The following CNTNAP2 variants were observed in gnomAD, a reference collection of about 807,000 sequenced individuals.
CNTNAP2 encodes contactin associated protein 2.
Under a neutral mutation model 155.2 loss-of-function variants are expected in CNTNAP2, and 98 were observed. The ratio of observed to expected loss-of-function variants is 0.63; its 90% CI spans 0.54 to 0.75. The LOEUF is 0.75. CNTNAP2 is among the 30% of genes least tolerant of loss of function. The pLI, the probability that CNTNAP2 is intolerant of heterozygous loss-of-function variation, is 0.00. For missense variants in CNTNAP2, 1,727 were observed against 1,688.1 expected, an observed-to-expected ratio of 1.02 and a Z score of -0.40; for synonymous variants, 651 against 631.2, an observed-to-expected ratio of 1.03 and a Z score of -0.47.
intron 15 of CNTNAP2, 82 bp from the exon 16 acceptor site, chr7:148,118,035 TA>T: frequency 2.1e-6 from 3 of 1,421,152 alleles, no homozygotes; most frequent in Non-Finnish European, 3.0e-6. Context: ...TGGTACTTAT[TA>T]AACTCAAGCA....
chr7:146,766,911 G>A (rs1802204846), intron 1 of CNTNAP2, among the ~76,000 whole-genome samples: 1 of 151,858 alleles, frequency 6.6e-6, no homozygotes, highest in African/African-American at 2.4e-5. Context: ...GAGTAAATTA[G>A]GTCACCTCCA....
At chr7:147,083,539 T>TATATATATATGTATATATATATAC (rs1800186367) in intron 4 of CNTNAP2, among the ~76,000 whole-genome samples, 2 of 30,394 alleles carry the variant, frequency 6.6e-5, no homozygotes, top group East Asian at 3.2e-3. Flanking sequence ...TATATATACA[T>TATATATATATGTATATATATATAC]ATATATATAT....
chr7:148,269,427 T>C (rs1477748787), intron 21 of CNTNAP2, among the ~76,000 whole-genome samples: 8 of 152,230 alleles, frequency 5.3e-5, no homozygotes, highest in African/African-American at 1.2e-4. Flanking sequence ...ATCACCACTT[T>C]TATGTTCTGT....
chr7:146,351,063 A>G (rs1165629701), intron 1 of CNTNAP2, among the ~76,000 whole-genome samples: 1 of 151,172 alleles, frequency 6.6e-6, no homozygotes, highest in Non-Finnish European at 1.5e-5. Context: ...TAGCATTAGG[A>G]GATACACCTA....
In CNTNAP2 at chr7:147,049,150, G is replaced by A. The variant is rs188918483; in HGVS notation, c.550+5096G>A. 8.5e-5 allele frequency among the ~76,000 whole-genome samples: 13 copies of A among 152,226 alleles called. 1 individual carries two copies. In the Middle Eastern group the frequency reaches 0.02, roughly 239 times the overall value. ...CTCGTGACCTACTCATGTCTTAAAA[G>A]TCCCACCTCTCAACACTGTTGCATT... On this transcript the variant is annotated intron_variant, in intron 4 of 23. Transcript: ENST00000361727.
chr7:146,710,126 G>T (rs1345969082), intron 1 of CNTNAP2, among the ~76,000 whole-genome samples: 1 of 152,150 alleles, frequency 6.6e-6, no homozygotes, highest in African/African-American at 2.4e-5. Context: ...GCTCACAATT[G>T]GAAAGCAGTG....
At chr7:146,580,818 A>T (rs891560183) in intron 1 of CNTNAP2, among the ~76,000 whole-genome samples, 1 of 152,104 alleles carries the variant, frequency 6.6e-6, no homozygotes, top group Non-Finnish European at 1.5e-5. Context: ...TATCCCCATT[A>T]CCTAGGTCAG....
chr7:148,235,079 C>A (rs1160834455), intron 20 of CNTNAP2, among the ~76,000 whole-genome samples: 1 of 152,078 alleles, frequency 6.6e-6, no homozygotes, highest in Admixed American at 6.5e-5. Flanking sequence ...AGTTCTTACA[C>A]CAAAAAGAGG....
At chr7:147,826,198 A>G (rs550154328) in intron 13 of CNTNAP2, among the ~76,000 whole-genome samples, 4 of 152,318 alleles carry the variant, frequency 2.6e-5, no homozygotes, top group South Asian at 4.1e-4. Flanking sequence ...CACTAAGAAA[A>G]TGTTTTAACA....
chr7:148,355,166 CTTTTTTTTTTTTTTTT>C (rs1167992306), intron 21 of CNTNAP2, among the ~76,000 whole-genome samples: 737 of 41,086 alleles, frequency 0.018, 46 homozygotes, highest in Admixed American at 0.16. Context: ...CCGCCAGCTG[CTTTTTTTTTTTTTTTT>C]TTTTTTTTTT....
chr7:146,491,786 A>G (rs1797143248), intron 1 of CNTNAP2, among the ~76,000 whole-genome samples: 2 of 152,188 alleles, frequency 1.3e-5, no homozygotes, highest in East Asian at 3.9e-4. Context: ...TTTGAATTAG[A>G]AATTGTGGGG....
At chr7:146,716,237 TG>T (rs1259412291) in intron 1 of CNTNAP2, among the ~76,000 whole-genome samples, 1 of 144,700 alleles carries the variant, frequency 6.9e-6, no homozygotes, top group Admixed American at 6.9e-5. Flanking sequence ...AAAAAAGGCA[TG>T]TTTTGGGGTC....
At chr7:146,725,886 G>A (rs1366189119) in intron 1 of CNTNAP2, among the ~76,000 whole-genome samples, 1 of 152,094 alleles carries the variant, frequency 6.6e-6, no homozygotes, top group East Asian at 1.9e-4. Context: ...GAATCTGGGG[G>A]AAGACTGATT....
At chr7:146,140,382 C>T (rs1344389835) in intron 1 of CNTNAP2, among the ~76,000 whole-genome samples, 1 of 152,094 alleles carries the variant, frequency 6.6e-6, no homozygotes, top group Non-Finnish European at 1.5e-5. Context: ...GCTCCCTCAT[C>T]ACACTTTTGC....
chr7:147,378,843 G>C (rs1453400511), intron 9 of CNTNAP2, among the ~76,000 whole-genome samples: 1 of 151,766 alleles, frequency 6.6e-6, no homozygotes, highest in Non-Finnish European at 1.5e-5. Flanking sequence ...TATCAACAAT[G>C]ACTGGTAATT....
chr7:147,287,687 T>C lies in CNTNAP2; in HGVS notation c.1349-12454T>C, dbSNP rs552854985. On this transcript the variant is annotated intron_variant, in intron 8 of 23. Coordinates refer to ENST00000361727, the MANE Select transcript of CNTNAP2 (RefSeq NM_014141.6). ...CTCCAGACCCAAATATATAACTGCC[T>C]ACCTGATATCTCTACTTGGTGATCT... 1.2e-4 allele frequency among the ~76,000 whole-genome samples: 18 copies of C among 152,214 alleles called. No individual in the cohort carries two copies. In the East Asian group the frequency reaches 3.3e-3, roughly 28 times the overall value.
At chr7:146,930,336 C>A (rs11486941) in intron 3 of CNTNAP2, among the ~76,000 whole-genome samples, 2 of 151,920 alleles carry the variant, frequency 1.3e-5, no homozygotes, top group Admixed American at 6.6e-5. Flanking sequence ...TCCAGCCAAA[C>A]TAAGATTCAT....
At chr7:147,477,243 A>G (rs1014223107) in intron 10 of CNTNAP2, among the ~76,000 whole-genome samples, 3 of 152,192 alleles carry the variant, frequency 2.0e-5, no homozygotes, top group Non-Finnish European at 4.4e-5. Context: ...TTACTTTTTT[A>G]AGAGTTTCTA....
chr7:147,976,409 T>C (rs1801426543), intron 14 of CNTNAP2, among the ~76,000 whole-genome samples: 1 of 152,062 alleles, frequency 6.6e-6, no homozygotes, highest in Admixed American at 6.6e-5. Context: ...AGACTTCTAA[T>C]AAAAGAGGGT....
Sources: allele counts gnomAD v4.1 joint callset (sites outside exome capture counted in the v4.1 genomes callset), GRCh38; gene constraint gnomAD v4.1.1; transcripts MANE v1.5; gene names NCBI Gene and HGNC (gene_info 2026-07-23, HGNC 2026-07-21).